XIST: variants seen among roughly 807,000 people sequenced by gnomAD.
XIST encodes the protein X inactive specific transcript, also known as X inactive specific transcript (non-protein coding).
At chrX:73,840,955 AG>A (rs1298971101) in intron 1 of XIST, among the ~76,000 whole-genome samples, 1 of 112,097 alleles carries the variant, frequency 8.9e-6, no homozygotes, top group African/African-American at 3.2e-5. Flanking sequence ...CACTTCCTTA[AG>A]TTTATTCTAT....
exon 6 of XIST, chrX:73,824,512 A>G (rs1922204906): frequency 1.8e-6 from 1 of 555,169 alleles, no homozygotes; most frequent in Admixed American, 2.2e-5. Context: ...ATAGTAGGCA[A>G]TCAAAATTGA....
chrX:73,850,765 T>TGG, exon 1 of XIST: 1 of 128,961 alleles, frequency 7.8e-6, no homozygotes, highest in South Asian at 5.9e-5. Context: ...GGTTGGGGGG[T>TGG]GGGGGGGGAG....
At chrX:73,851,426 A>G in exon 1 of XIST, 1 of 558,924 alleles carries the variant, frequency 1.8e-6, no homozygotes, top group Non-Finnish European at 3.2e-6. Context: ...CTAACCACTT[A>G]ACAAAGCCTC....
intron 5 of XIST, chrX:73,828,941 T>C (rs1922322320): frequency 7.0e-6 from 3 of 430,152 alleles, no homozygotes; most frequent in African/African-American, 4.8e-5. Flanking sequence ...ACTGGTCATC[T>C]TTCCATCTCA....
exon 6 of XIST, chrX:73,824,060 G>T (rs759048013): frequency 1.8e-6 from 1 of 555,015 alleles, no homozygotes; most frequent in East Asian, 3.3e-5. Context: ...TATCTCTAAG[G>T]ATAAGAGTAA....
chrX:73,831,295 A>C (rs1462581537), intron 3 of XIST: 1 of 508,912 alleles, frequency 2.0e-6, no homozygotes, highest in Non-Finnish European at 3.5e-6. Context: ...ATAAAAGAAA[A>C]AGTATTGAAA....
At chrX:73,841,785 A>G in exon 1 of XIST, 1 of 495,554 alleles carries the variant, frequency 2.0e-6, no homozygotes, top group Non-Finnish European at 3.6e-6. Context: ...TTCATTTTAT[A>G]TAATAATTAA....
chrX:73,833,160 G>A (rs1041281535), intron 3 of XIST: 12 of 510,208 alleles, frequency 2.4e-5, no homozygotes, highest in Non-Finnish European at 4.2e-5. Context: ...GCCCAGCTGT[G>A]TTCTGCTTTA....
exon 1 of XIST, chrX:73,842,548 T>C (rs1045181892): frequency 3.6e-6 from 2 of 556,923 alleles, no homozygotes; most frequent in South Asian, 4.5e-5. Flanking sequence ...CTGCTTTTCA[T>C]AGTCAACACT....
chrX:73,831,106 T>C, exon 4 of XIST: 1 of 558,385 alleles, frequency 1.8e-6, no homozygotes. Flanking sequence ...TATCTTCCTA[T>C]CTGGGACCAG....
exon 1 of XIST, chrX:73,849,037 A>G (rs773259547): frequency 3.6e-6 from 2 of 559,440 alleles, no homozygotes; most frequent in Non-Finnish European, 3.2e-6. Flanking sequence ...TGCAAAGGCC[A>G]TAGTGTAACT....
At chrX:73,843,013 A>T (rs1175007324) in exon 1 of XIST, 1 of 556,689 alleles carries the variant, frequency 1.8e-6, no homozygotes, top group Non-Finnish European at 3.2e-6. Flanking sequence ...GGGAGTATGG[A>T]CCACTGTTTG....
At position 73,829,266 on chromosome X, in the gene XIST, C is replaced by T. The variant is rs766724969; in HGVS notation, n.11753-35G>A. The T allele has an allele frequency of 2.0e-5, 11 of 540,014 alleles. No individual in the cohort carries two copies. The Admixed American group carries it at 2.6e-4, about 13-fold the overall frequency. The allele number at this position is 540,014 out of a possible 1,213,427, so 44.5% of individuals were successfully genotyped here. A position where few individuals can be genotyped will look rare whatever the true frequency, so the allele number is the denominator to read the frequency against. ...AACATGAGATAAACCATGTAAATGC[C>T]ATAAATATTGAGTACTGTGCTAGAG... On this transcript the variant is annotated intron_variant and non_coding_transcript_variant, in intron 4 of 5. Coordinates refer to ENST00000429829, the Ensembl canonical transcript of XIST.
chrX:73,851,491 G>A (rs1318383919), exon 1 of XIST: 6 of 558,782 alleles, frequency 1.1e-5, no homozygotes, highest in South Asian at 8.9e-5. Flanking sequence ...AACTGGATCC[G>A]CCATTTTGGA....
At chrX:73,821,052 T>C (rs757355720) in exon 6 of XIST, 13 of 557,542 alleles carry the variant, frequency 2.3e-5, no homozygotes, top group Non-Finnish European at 2.9e-5. Flanking sequence ...GGCTTTTAGT[T>C]ACTTTCTTCT....
At chrX:73,848,417 C>T (rs758338498) in exon 1 of XIST, 1 of 554,971 alleles carries the variant, frequency 1.8e-6, no homozygotes, top group Non-Finnish European at 3.2e-6. Flanking sequence ...CATAAACTGT[C>T]CTAGTACAGA....
exon 1 of XIST, chrX:73,844,669 T>C (rs767399577): frequency 2.9e-5 from 16 of 555,629 alleles, no homozygotes; most frequent in Middle Eastern, 3.1e-4. Flanking sequence ...GGAGGCTTCC[T>C]TGTCTAGTAC....
At chrX:73,823,950 G>C (rs753638822) in exon 6 of XIST, 3 of 554,681 alleles carry the variant, frequency 5.4e-6, no homozygotes, top group South Asian at 4.5e-5. Context: ...TAAGCCAATA[G>C]TTCATTCCTA....
At chrX:73,822,878 T>C (rs766277893) in exon 6 of XIST, 2 of 556,956 alleles carry the variant, frequency 3.6e-6, no homozygotes, top group African/African-American at 4.5e-5. Context: ...TCACAGCTAC[T>C]CAATGAAGTT....
Sources: gnomAD v4.1 joint callset for allele counts (sites outside exome capture counted in the v4.1 genomes callset) on GRCh38, gnomAD v4.1.1 for gene constraint, MANE v1.5 for transcripts, NCBI Gene and HGNC (gene_info 2026-07-23, HGNC 2026-07-21) for gene names.